The following ZNF2 variants were observed in gnomAD, a reference collection of about 807,000 sequenced individuals.
The protein encoded by ZNF2 is zinc finger protein 2.2.
In ZNF2, 12 loss-of-function variants were observed where a neutral mutation model predicts 21.9. The ratio of observed to expected loss-of-function variants is 0.55; its 90% CI spans 0.35 to 0.89. The LOEUF is 0.89. ZNF2 is among the 40% of genes least tolerant of loss of function. The probability of loss-of-function intolerance (pLI) is 0.01; values close to 1 mark genes in which losing one functional copy is unlikely to be tolerated. For synonymous variants in ZNF2, 186 were observed against 196.3 expected, an observed-to-expected ratio of 0.95 and a Z score of 0.44; for missense variants, 462 against 544.2, an observed-to-expected ratio of 0.85 and a Z score of 1.50.
chr2:95,180,058 A>G, intron 3 of ZNF2, 101 bp from the exon 4 acceptor site: 1 of 836,594 alleles, frequency 1.2e-6, no homozygotes, highest in Non-Finnish European at 2.0e-6. Context: ...TGCTGTCTCA[A>G]CAACAACAAA....
At chr2:95,173,329 G>C (rs1396157375) in intron 1 of ZNF2, among the ~76,000 whole-genome samples, 3 of 152,110 alleles carry the variant, frequency 2.0e-5, no homozygotes, top group African/African-American at 7.2e-5. Flanking sequence ...AATGGACATT[G>C]AAGTTGTTTG....
At chr2:95,174,090 T>G (rs1055142333) in intron 1 of ZNF2, among the ~76,000 whole-genome samples, 1 of 152,236 alleles carries the variant, frequency 6.6e-6, no homozygotes, top group Non-Finnish European at 1.5e-5. Context: ...GTTTAAGGTA[T>G]TTCAAATTTT....
At chr2:95,167,794 C>T (rs1674132229) in intron 1 of ZNF2, among the ~76,000 whole-genome samples, 3 of 150,880 alleles carry the variant, frequency 2.0e-5, no homozygotes, top group African/African-American at 7.3e-5. Context: ...TTGCAGTGAG[C>T]CGAGATGATG....
chr2:95,180,845 A>G (rs1674614018), intron 4 of ZNF2, among the ~76,000 whole-genome samples: 1 of 151,988 alleles, frequency 6.6e-6, no homozygotes, highest in African/African-American at 2.4e-5. Flanking sequence ...CATCCTGTCT[A>G]TTCGGCATGC....
rs1410148426 is a variant in ZNF2, at chr2:95,184,229, G to C, written c.*2123G>C. ...TGTGGACTTTTGAAAGCAACTTGAG[G>C]AAAAACACATAACAGAATCTATAGG... is the stretch of plus-strand genomic sequence containing the variant. On this transcript the variant is annotated 3_prime_UTR_variant, in exon 5 of 5. Transcript: ENST00000614034. 4 of 152,154 alleles carry C rather than the reference G, an allele frequency of 2.6e-5. No individual in the cohort carries two copies. Among genetic ancestry groups the C allele is most frequent in the Non-Finnish European group, 5.9e-5 (4 of 68,042 alleles). The allele number at this position is 152,154 out of a possible 1,614,324, so 9.4% of individuals were successfully genotyped here. A position where few individuals can be genotyped will look rare whatever the true frequency, so the allele number is the denominator to read the frequency against.
At chr2:95,177,172 A>G (rs909988110) in intron 2 of ZNF2, among the ~76,000 whole-genome samples, 1 of 152,204 alleles carries the variant, frequency 6.6e-6, no homozygotes, top group African/African-American at 2.4e-5. Context: ...TAAATGTGGA[A>G]AATGTTGACA....
chr2:95,178,539 C>T (rs1248695524), intron 3 of ZNF2, among the ~76,000 whole-genome samples: 1 of 152,122 alleles, frequency 6.6e-6, no homozygotes. Flanking sequence ...TGGGTGTGGC[C>T]GTTTTGTCAA....
chr2:95,166,105 G>T (rs1674021937), intron 1 of ZNF2, among the ~76,000 whole-genome samples: 1 of 152,000 alleles, frequency 6.6e-6, no homozygotes, highest in African/African-American at 2.4e-5. Context: ...AAGGTTGGAG[G>T]TTTGGAGTCT....
intron 3 of ZNF2, among the ~76,000 whole-genome samples, chr2:95,179,243 C>T (rs1378429641): frequency 2.6e-5 from 4 of 152,098 alleles, no homozygotes; most frequent in African/African-American, 9.7e-5. Flanking sequence ...CCACCCATCT[C>T]GGCCTCCCAA....
intron 3 of ZNF2, among the ~76,000 whole-genome samples, chr2:95,179,821 C>T (rs1674574693): frequency 6.6e-6 from 1 of 152,188 alleles, no homozygotes; most frequent in Non-Finnish European, 1.5e-5. Context: ...CTTTGGGAGG[C>T]CGCGGCAGGT....
intron 3 of ZNF2, among the ~76,000 whole-genome samples, chr2:95,177,854 G>A (rs1674502425): frequency 6.6e-6 from 1 of 152,180 alleles, no homozygotes; most frequent in South Asian, 2.1e-4. Flanking sequence ...TCGCTCAGCA[G>A]CCTGCCCGGC....
At chr2:95,169,086 T>C (rs1674186152) in intron 1 of ZNF2, among the ~76,000 whole-genome samples, 1 of 152,216 alleles carries the variant, frequency 6.6e-6, no homozygotes, top group African/African-American at 2.4e-5. Context: ...AGTAACTCCC[T>C]GTGAGTTTGG....
At chr2:95,177,241 G>GA (rs1436972907) in intron 2 of ZNF2, among the ~76,000 whole-genome samples, 3 of 152,144 alleles carry the variant, frequency 2.0e-5, no homozygotes, top group Admixed American at 6.5e-5. Context: ...TTAGAAGTCT[G>GA]AAAAAAGAGT....
intron 1 of ZNF2, among the ~76,000 whole-genome samples, chr2:95,175,313 G>C (rs1158857357): frequency 6.6e-6 from 1 of 152,210 alleles, no homozygotes; most frequent in African/African-American, 2.4e-5. Context: ...AGGATGGTTT[G>C]CATGGAAATT....
Position 95,175,993 on chromosome 2 carries a change from C to T in ZNF2, c.-39-195C>T, listed in dbSNP as rs185143316. ...ACCACCACCACATTGTGGTCTAATT[C>T]GCAGTTCCATGGTTGTTGGCTCTAA... On this transcript the variant is annotated intron_variant, in intron 1 of 4. Coordinates refer to ENST00000614034, the MANE Select transcript of ZNF2 (RefSeq NM_021088.4). Among the ~76,000 whole-genome samples the T allele has an allele frequency of 1.7e-4, 26 of 152,306 alleles. No individual in the cohort carries two copies. In the East Asian group the frequency reaches 4.6e-3, roughly 27 times the overall value.
chr2:95,171,223 A>C (rs1425209245), intron 1 of ZNF2, among the ~76,000 whole-genome samples: 1 of 152,044 alleles, frequency 6.6e-6, no homozygotes, highest in East Asian at 1.9e-4. Context: ...TGAATGTCCA[A>C]AACTGTACTC....
chr2:95,182,092 CAG>C lies in ZNF2; in HGVS notation c.1265_1266del (p.Gln422ArgfsTer84), dbSNP rs763788497. 15 of 1,605,670 alleles carry C rather than the reference CAG, an allele frequency of 9.3e-6. No individual in the cohort carries two copies. The highest frequency in any genetic ancestry group is 2.7e-5 in the African/African-American group (2 of 74,922). ...TCAACATCAACGGCGTTACGCCAAA[CAG>C]GGAATAGACTGAGTTGGGCAAAAGC... Reference protein sequence around the residue: ...VIQHQRRYAKQGID With the variant: ...VIQHQRRYAKXGID On this transcript the variant is annotated frameshift_variant, in exon 5 of 5. Transcript: ENST00000614034. LOFTEE classifies it high-confidence loss of function.
Position 95,181,527 on chromosome 2 carries a change from G to A in ZNF2, c.699G>A (p.Val233=), listed in dbSNP as rs754113041. 1.9e-6 allele frequency: 3 copies of A among 1,614,064 alleles called. No individual in the cohort carries two copies. Among genetic ancestry groups the A allele is most frequent in the Non-Finnish European group, 2.5e-6 (3 of 1,180,048 alleles). The change falls in exon 5 of 5, where the codon GTG becomes GTA. Residue 233 remains valine, a synonymous_variant. Transcript: ENST00000614034. The part of the protein sequence containing the change: ...HTGESPYECS[V]CSKAFFDRSS... ...GGGAGAGCCCCTACGAGTGCAGTGTGTGCTCAAAAGCCTTCTTTGACCGTT... is the reference window on the plus strand; with the variant it reads ...GGGAGAGCCCCTACGAGTGCAGTGTATGCTCAAAAGCCTTCTTTGACCGTT...
At chr2:95,167,505 C>CAAAAAAAAAA (rs756206050) in intron 1 of ZNF2, among the ~76,000 whole-genome samples, 3 of 44,858 alleles carry the variant, frequency 6.7e-5, no homozygotes, top group Non-Finnish European at 1.4e-4. Flanking sequence ...GACTCAGTCT[C>CAAAAAAAAAA]AAAAAAAAAA....
Sources: gnomAD v4.1 joint callset for allele counts (sites outside exome capture counted in the v4.1 genomes callset) on GRCh38, gnomAD v4.1.1 for gene constraint, MANE v1.5 for transcripts, NCBI Gene and HGNC (gene_info 2026-07-23, HGNC 2026-07-21) for gene names.